RGS20: variants seen among roughly 807,000 people sequenced by gnomAD.
The protein encoded by RGS20 is regulator of G protein signaling 20, also known as gz-selective GTPase-activating protein.
In RGS20, 30 loss-of-function variants were observed where a neutral mutation model predicts 33.6. The ratio of observed to expected loss-of-function variants is 0.89; its 90% CI spans 0.67 to 1.21. The LOEUF is 1.21. Ranked by LOEUF, RGS20 falls within the 50% of genes most tolerant of loss-of-function variation. RGS20 has a pLI of 0.00. For synonymous variants in RGS20, 208 were observed against 197.9 expected (o/e 1.05, Z -0.43); for missense variants, 472 against 502.4 (o/e 0.94, Z 0.58).
At position 53,904,221 on chromosome 8, in the gene RGS20, CA is replaced by C. The variant is rs1298822006; in HGVS notation, c.510+24621del. On this transcript the variant is annotated intron_variant, in intron 2 of 5. Coordinates refer to ENST00000297313, the MANE Select transcript of RGS20 (RefSeq NM_170587.4). The stretch of plus-strand genomic sequence containing the variant: ...CACTGCAACCTCCGCATCCCAGGTT[CA>C]AGTGATTCTCCTGCCTCACCCTCCC... Among the ~76,000 whole-genome samples, 9 of 151,622 alleles carry C rather than the reference CA, an allele frequency of 5.9e-5. No homozygotes were observed. The South Asian group carries it at 6.3e-4, about 11-fold the overall frequency.
intron 2 of RGS20, among the ~76,000 whole-genome samples, chr8:53,939,332 G>C (rs73680380): frequency 0.038 from 5,805 of 152,254 alleles, 318 homozygotes; most frequent in African/African-American, 0.12. Context: ...CTAAGGAGGG[G>C]CCTTCCATCT....
At chr8:53,930,253 C>T (rs1813916539) in intron 2 of RGS20, among the ~76,000 whole-genome samples, 1 of 152,198 alleles carries the variant, frequency 6.6e-6, no homozygotes. Flanking sequence ...TTCCTATATG[C>T]TAAAATATCT....
chr8:53,888,577 G>T (rs570988605), intron 2 of RGS20, among the ~76,000 whole-genome samples: 2 of 152,216 alleles, frequency 1.3e-5, no homozygotes, highest in African/African-American at 4.8e-5. Context: ...TGATGCAGTA[G>T]CGCCCCTCCC....
chr8:53,879,122 C>T, intron 1 of RGS20: 1 of 711,964 alleles, frequency 1.4e-6, no homozygotes, highest in East Asian at 2.6e-5. Context: ...AACTATAGGC[C>T]TTTCCTTCTG....
chr8:53,946,736 C>G lies in RGS20; in HGVS notation c.731C>G (p.Thr244Ser). The change falls in exon 4 of 6, where the codon ACC becomes AGC. Residue 244 changes from threonine to serine, a missense_variant. Around this residue, in one of 3 missense-constraint regions of RGS20, gnomAD observed 319 missense variants for 283.4 expected, o/e 1.13. Coordinates refer to ENST00000297313, the MANE Select transcript of RGS20 (RefSeq NM_170587.4). ...CACGAACTCAGAGCAGATCTTCCAA[C>G]CTGGGAAGAAAGGTGAAATCACACG... The G allele has an allele frequency of 1.2e-6, 2 of 1,612,322 alleles. No individual in the cohort carries two copies. Among genetic ancestry groups the G allele is most frequent in the Non-Finnish European group, 1.7e-6 (2 of 1,179,114 alleles).
At chr8:53,869,139 C>T (rs1038602361) in intron 1 of RGS20, among the ~76,000 whole-genome samples, 4 of 152,166 alleles carry the variant, frequency 2.6e-5, no homozygotes, top group Non-Finnish European at 5.9e-5. Flanking sequence ...TTTCAATTTT[C>T]TGATATCAAA....
chr8:53,937,170 A>G (rs1307219773), intron 2 of RGS20, among the ~76,000 whole-genome samples: 3 of 152,158 alleles, frequency 2.0e-5, no homozygotes, highest in Non-Finnish European at 4.4e-5. Context: ...GAAGGATAGC[A>G]TTAGGAGATA....
chr8:53,883,713 G>A (rs535108791), intron 2 of RGS20, among the ~76,000 whole-genome samples: 2 of 152,216 alleles, frequency 1.3e-5, no homozygotes, highest in South Asian at 4.2e-4. Flanking sequence ...GGGAGGCCGA[G>A]GCAGGTGGAT....
intron 1 of RGS20, among the ~76,000 whole-genome samples, chr8:53,863,082 A>ATGG (rs1811844403): frequency 6.6e-6 from 1 of 151,938 alleles, no homozygotes; most frequent in African/African-American, 2.4e-5. Context: ...TCTGCCTCCC[A>ATGG]GTTCAAGGGA....
rs879923903 is a variant in RGS20, at chr8:53,877,969, C to A, written c.166-1289C>A. On this transcript the variant is annotated intron_variant, in intron 1 of 5. Transcript: ENST00000297313. The surrounding 1 kb of genome is among the most constrained non-coding windows in gnomAD (Gnocchi z 5.7). Reference sequence around the variant, plus strand: ...GAGTGAGGGAACCGCGCCAGGCCCACGAGGCCGCTCGCGACCGCTCCCGCC... The same window carrying A: ...GAGTGAGGGAACCGCGCCAGGCCCAAGAGGCCGCTCGCGACCGCTCCCGCC... 4.6e-5 allele frequency among the ~76,000 whole-genome samples: 7 copies of A among 152,310 alleles called. No individual in the cohort carries two copies. Among genetic ancestry groups the A allele is most frequent in the African/African-American group, 1.4e-4 (6 of 41,580 alleles).
chr8:53,949,413 A>G lies in RGS20; in HGVS notation c.743+2665A>G, dbSNP rs1279573901. Among the ~76,000 whole-genome samples the G allele has an allele frequency of 4.0e-5, 6 of 151,346 alleles. 1 individual carries two copies. The Admixed American group carries it at 4.0e-4, about 10-fold the overall frequency. The stretch of plus-strand genomic sequence containing the variant: ...GAAACAGTTATATTTTAAAAATAAA[A>G]GTATATTATATAATATACGGTGGGT... On this transcript the variant is annotated intron_variant, in intron 4 of 5. Coordinates refer to ENST00000297313, the MANE Select transcript of RGS20 (RefSeq NM_170587.4).
intron 2 of RGS20, among the ~76,000 whole-genome samples, chr8:53,885,483 G>A (rs1714255908): frequency 6.6e-6 from 1 of 152,090 alleles, no homozygotes; most frequent in African/African-American, 2.4e-5. Flanking sequence ...GCGTATTAGC[G>A]GGCGTCTGTA....
chr8:53,861,046 T>C (rs1811799248), intron 1 of RGS20, among the ~76,000 whole-genome samples: 1 of 152,198 alleles, frequency 6.6e-6, no homozygotes, highest in Admixed American at 6.5e-5. Flanking sequence ...AGCACATATT[T>C]TGAGTGATTG....
At chr8:53,907,518 AGGT>A (rs900006171) in intron 2 of RGS20, among the ~76,000 whole-genome samples, 4 of 151,944 alleles carry the variant, frequency 2.6e-5, no homozygotes, top group African/African-American at 9.7e-5. Context: ...CAGGAGGCTG[AGGT>A]TGCAGTGAGC....
At chr8:53,857,502 AG>A (rs1433545584) in intron 1 of RGS20, among the ~76,000 whole-genome samples, 2 of 152,188 alleles carry the variant, frequency 1.3e-5, no homozygotes, top group Non-Finnish European at 1.5e-5. Flanking sequence ...ACAAAAAAAG[AG>A]GGGGGATGGA....
At chr8:53,874,867 G>A (rs1240575389) in intron 1 of RGS20, among the ~76,000 whole-genome samples, 2 of 152,136 alleles carry the variant, frequency 1.3e-5, no homozygotes, top group East Asian at 3.8e-4. Context: ...TTCCAAGTAA[G>A]GTCATATTCC....
At position 53,915,347 on chromosome 8, in the gene RGS20, G is replaced by A. The variant is rs148592054; in HGVS notation, c.511-24229G>A. Reference sequence around the variant, plus strand: ...GGATGCAGCACTGCTGAAGACAGAGGTGGTATTGGTCAATGGGAGTTCAGA... The same window carrying A: ...GGATGCAGCACTGCTGAAGACAGAGATGGTATTGGTCAATGGGAGTTCAGA... On this transcript the variant is annotated intron_variant, in intron 2 of 5. Coordinates refer to ENST00000297313, the MANE Select transcript of RGS20 (RefSeq NM_170587.4). Among the ~76,000 whole-genome samples the A allele has an allele frequency of 4.8e-3, 738 of 152,230 alleles. 5 individuals carry two copies. Among genetic ancestry groups the A allele is most frequent in the Middle Eastern group, 0.044 (13 of 294 alleles).
At chr8:53,878,156 GATTAA>G (rs1038493771) in intron 1 of RGS20, among the ~76,000 whole-genome samples, 1 of 152,192 alleles carries the variant, frequency 6.6e-6, no homozygotes, top group Non-Finnish European at 1.5e-5. Flanking sequence ...TTCACAGACA[GATTAA>G]ATTGTTTTTT....
At chr8:53,941,840 C>A (rs1814306159) in intron 3 of RGS20, among the ~76,000 whole-genome samples, 1 of 152,156 alleles carries the variant, frequency 6.6e-6, no homozygotes, top group Non-Finnish European at 1.5e-5. Flanking sequence ...TCAGTTTTAG[C>A]ACTGAAAGGT....
Sources: allele counts gnomAD v4.1 joint callset (sites outside exome capture counted in the v4.1 genomes callset), GRCh38; gene constraint gnomAD v4.1.1; regional missense constraint gnomAD v4.1.1; non-coding constraint Gnocchi (gnomAD v3.1); transcripts MANE v1.5; gene names NCBI Gene and HGNC (gene_info 2026-07-23, HGNC 2026-07-21).